Variants in GABRA6 observed in about 807,000 individuals in gnomAD.
The protein encoded by GABRA6 is gamma-aminobutyric acid receptor subunit alpha-6.
In GABRA6, 45 loss-of-function variants were observed where a neutral mutation model predicts 47.3. The observed-to-expected ratio is 0.95, with a 90% CI of 0.75 to 1.22. The LOEUF (loss-of-function observed/expected upper bound fraction) is 1.22. GABRA6 is among the 50% of genes most tolerant of loss of function. GABRA6 has a pLI of 0.00. For synonymous variants in GABRA6, 219 were observed against 194.7 expected (o/e 1.12, Z -1.04); for missense variants, 583 against 549.3 (o/e 1.06, Z -0.61).
At chr5:161,687,931 T>C (rs1294901242) in intron 3 of GABRA6, among the ~76,000 whole-genome samples, 1 of 151,860 alleles carries the variant, frequency 6.6e-6, no homozygotes, top group Non-Finnish European at 1.5e-5. Flanking sequence ...TATCTTACTA[T>C]ATAAGGAGAA....
chr5:161,690,328 G>A lies in GABRA6; in HGVS notation c.801G>A (p.Glu267=). 6.2e-7 allele frequency: 1 copy of A among 1,613,678 alleles called. No individual in the cohort carries two copies. The highest frequency in any genetic ancestry group is 1.1e-5 in the South Asian group (1 of 91,078). ...AGGTGTCTTTCTGGATTAATAAGGAGTCCGTCCCAGCAAGAACTGTTTTTG... is the reference window on the plus strand; with the variant it reads ...AGGTGTCTTTCTGGATTAATAAGGAATCCGTCCCAGCAAGAACTGTTTTTG... ...LSQVSFWINK[E]SVPARTVFGI... Residue 267 remains glutamate, a synonymous_variant, in exon 7 of 9, where the codon GAG becomes GAA. Coordinates refer to ENST00000274545, the MANE Select transcript of GABRA6 (RefSeq NM_000811.3).
intron 3 of GABRA6, chr5:161,687,665 T>C (rs1754725471): frequency 3.0e-6 from 1 of 330,624 alleles, no homozygotes; most frequent in Non-Finnish European, 6.1e-6. Flanking sequence ...GAAGTGTAAA[T>C]ATGAATGCTG....
chr5:161,692,572 G>A (rs1426197042), intron 8 of GABRA6, among the ~76,000 whole-genome samples: 6 of 152,174 alleles, frequency 3.9e-5, no homozygotes, highest in Admixed American at 2.0e-4. Context: ...CAGAGTGCAG[G>A]AAAGACACAA....
rs774651478 is a variant in GABRA6, at chr5:161,690,289, A to T, written c.762A>T (p.Thr254=). ...AGATATACACTCCTTGCATTATGAC[A>T]GTCATTCTTTCCCAGGTGTCTTTCT... is the stretch of plus-strand genomic sequence containing the variant. ...MIQIYTPCIM[T]VILSQVSFWI... Residue 254 remains threonine (T), a synonymous_variant, in exon 7 of 9, where the codon ACA becomes ACT. Coordinates refer to ENST00000274545, the MANE Select transcript of GABRA6 (RefSeq NM_000811.3). 2 of 1,613,784 alleles carry T rather than the reference A, an allele frequency of 1.2e-6. No homozygotes were observed. The highest frequency in any genetic ancestry group is 1.7e-6 in the Non-Finnish European group (2 of 1,179,776).
rs182278656 is a variant in GABRA6 at position 161,692,504 on chromosome 5, C to A, written c.1086+304C>A. Among the ~76,000 whole-genome samples, 1,105 of 152,270 alleles carry A rather than the reference C, an allele frequency of 7.3e-3. 7 individuals carry two copies. Among genetic ancestry groups the A allele is most frequent in the Middle Eastern group, 0.017 (5 of 294 alleles). ...TTTAGATGTTTCTTTTGAACAAAAT[C>A]ACTTGTACCAAGTAGGGGCAAAAAA... On this transcript the variant is annotated intron_variant, in intron 8 of 8. Coordinates refer to ENST00000274545, the MANE Select transcript of GABRA6 (RefSeq NM_000811.3).
intron 8 of GABRA6, among the ~76,000 whole-genome samples, chr5:161,694,730 CAT>C (rs1754858572): frequency 6.6e-6 from 1 of 151,906 alleles, no homozygotes; most frequent in East Asian, 1.9e-4. Context: ...TAAAGCAACA[CAT>C]AGGGAAATTT....
intron 8 of GABRA6, among the ~76,000 whole-genome samples, chr5:161,698,379 G>A (rs1340199553): frequency 6.6e-6 from 1 of 152,054 alleles, no homozygotes; most frequent in Admixed American, 6.6e-5. Flanking sequence ...CAAAAGATAT[G>A]AGGGAAAGAT....
intron 7 of GABRA6, among the ~76,000 whole-genome samples, chr5:161,691,463 T>C (rs1318131661): frequency 1.3e-5 from 2 of 151,618 alleles, no homozygotes; most frequent in Non-Finnish European, 2.9e-5. Context: ...GCCCGGCTAA[T>C]TTTTTGTATT....
chr5:161,701,312 A>G (rs971798652), intron 8 of GABRA6, among the ~76,000 whole-genome samples, 186 bp from the exon 9 acceptor site: 1 of 152,232 alleles, frequency 6.6e-6, no homozygotes, highest in South Asian at 2.1e-4. Flanking sequence ...ATTATTTTAC[A>G]ATGTATTTTA....
chr5:161,694,530 G>A (rs907503249), intron 8 of GABRA6, among the ~76,000 whole-genome samples: 1 of 152,026 alleles, frequency 6.6e-6, no homozygotes, highest in Non-Finnish European at 1.5e-5. Flanking sequence ...TGGAATTTAA[G>A]ATCTCAGGTT....
chr5:161,694,187 A>T (rs1287651251), intron 8 of GABRA6, among the ~76,000 whole-genome samples: 1 of 152,030 alleles, frequency 6.6e-6, no homozygotes, highest in Admixed American at 6.6e-5. Flanking sequence ...CCGTATGCAT[A>T]TAAGTATATA....
intron 8 of GABRA6, 78 bp downstream of exon 8, chr5:161,692,278 C>T: frequency 6.4e-7 from 1 of 1,563,692 alleles, no homozygotes; most frequent in Non-Finnish European, 8.8e-7. Context: ...ACGAAAGTGT[C>T]CAAAAGTAAT....
At chr5:161,692,553 A>C (rs1193895683) in intron 8 of GABRA6, among the ~76,000 whole-genome samples, 1 of 152,190 alleles carries the variant, frequency 6.6e-6, no homozygotes, top group Non-Finnish European at 1.5e-5. Context: ...GTTTTTTCTA[A>C]TGAGGTTTCA....
At position 161,692,714 on chromosome 5, in the gene GABRA6, T is replaced by C. The variant is rs560472758; in HGVS notation, c.1086+514T>C. Among the ~76,000 whole-genome samples, 10 of 152,314 alleles carry C rather than the reference T, an allele frequency of 6.6e-5. No homozygotes were observed. In the South Asian group the frequency reaches 2.1e-3, roughly 32 times the overall value. ...TCATAACCCAATAATTTGATTCATA[T>C]TAAAACATTTTCATATTCACATTTG... On this transcript the variant is annotated intron_variant, in intron 8 of 8. Transcript: ENST00000274545.
At chr5:161,698,183 T>C (rs1021685120) in intron 8 of GABRA6, among the ~76,000 whole-genome samples, 3 of 152,228 alleles carry the variant, frequency 2.0e-5, no homozygotes, top group African/African-American at 7.2e-5. Flanking sequence ...GGAATGCTCA[T>C]ACATATGAAT....
rs1754679465 is a variant in GABRA6, at chr5:161,685,731, G to A, written c.-259G>A. 3.5e-6 allele frequency: 2 copies of A among 567,784 alleles called. No homozygotes were observed. The highest frequency in any genetic ancestry group is 3.0e-5 in the East Asian group (1 of 33,058). The allele number at this position is 567,784 out of a possible 1,614,324, so 35.2% of individuals were successfully genotyped here. On this transcript the variant is annotated 5_prime_UTR_variant, in exon 1 of 9. Transcript: ENST00000274545. ...TTTCCCAACTGAGTCAGTCAGAGGAGCCTGGGTGTCTGCAGGACATAATCT... is the reference window on the plus strand; with the variant it reads ...TTTCCCAACTGAGTCAGTCAGAGGAACCTGGGTGTCTGCAGGACATAATCT...
At position 161,701,594 on chromosome 5, in the gene GABRA6, C is replaced by A. The variant is rs1171828056; in HGVS notation, c.1183C>A (p.Pro395Thr). 6.2e-7 allele frequency: 1 copy of A among 1,614,138 alleles called. No individual in the cohort carries two copies. Among genetic ancestry groups the A allele is most frequent in the Non-Finnish European group, 8.5e-7 (1 of 1,180,018 alleles). ...GGCCAATAAAGTGCTCACGAGAGCGCCCATCTTACAATCAACACCTGTCAC... is the reference window on the plus strand; with the variant it reads ...GGCCAATAAAGTGCTCACGAGAGCGACCATCTTACAATCAACACCTGTCAC... Reference protein sequence around the residue: ...SEANKVLTRAPILQSTPVTPP... With the variant: ...SEANKVLTRATILQSTPVTPP... The change falls in exon 9 of 9, where the codon CCC (proline) becomes ACC (threonine). Residue 395 changes from proline (P) to threonine (T), a missense_variant. Coordinates refer to ENST00000274545, the MANE Select transcript of GABRA6 (RefSeq NM_000811.3).
intron 8 of GABRA6, among the ~76,000 whole-genome samples, chr5:161,701,274 T>C (rs1458474011): frequency 2.6e-5 from 4 of 152,146 alleles, no homozygotes; most frequent in Non-Finnish European, 4.4e-5. Flanking sequence ...ATGTATTGAG[T>C]AATAGAATGT....
chr5:161,691,630 T>C (rs1754793442), intron 7 of GABRA6, among the ~76,000 whole-genome samples: 1 of 152,018 alleles, frequency 6.6e-6, no homozygotes, highest in Non-Finnish European at 1.5e-5. Context: ...TGGTAATAAT[T>C]TGTTACAAGT....
Sources: allele counts gnomAD v4.1 joint callset (sites outside exome capture counted in the v4.1 genomes callset), GRCh38; gene constraint gnomAD v4.1.1; transcripts MANE v1.5; gene names NCBI Gene and HGNC (gene_info 2026-07-23, HGNC 2026-07-21).